DYNC2H1: variants seen among roughly 807,000 people sequenced by gnomAD.
The protein encoded by DYNC2H1 is cytoplasmic dynein 2 heavy chain 1.
In DYNC2H1, 410 loss-of-function variants were observed where a neutral mutation model predicts 570.0. That is an observed-to-expected ratio of 0.72 (90% CI 0.66 to 0.78). The LOEUF (loss-of-function observed/expected upper bound fraction) is 0.78, where lower values mean the gene tolerates loss of function less well. Ranked by LOEUF, DYNC2H1 falls within the 30% of genes least tolerant of loss-of-function variation. DYNC2H1 has a pLI of 0.00. For missense variants in DYNC2H1, 4,865 were observed against 5,046.4 expected (o/e 0.96, Z 1.09); for synonymous variants, 1,688 against 1,677.6 (o/e 1.01, Z -0.15).
Position 103,465,931 on chromosome 11 carries a change from C to A in DYNC2H1, c.12649-2658C>A, listed in dbSNP as rs930054861. Among the ~76,000 whole-genome samples the A allele has an allele frequency of 6.6e-6, 1 of 152,162 alleles. No homozygotes were observed. The highest frequency in any genetic ancestry group is 6.5e-5 in the Admixed American group (1 of 15,274). ...TTCAAGGGGTAGAAAAGAAACTCCA[C>A]GTCCTGAAGGAAGCAGCAGCCAAGC... is the stretch of plus-strand genomic sequence containing the variant. On this transcript the variant is annotated intron_variant, in intron 87 of 88. Coordinates refer to ENST00000375735, the MANE Select transcript of DYNC2H1 (RefSeq NM_001377.3). The surrounding 1 kb of genome is among the most constrained non-coding windows in gnomAD (Gnocchi z 4.9).
At chr11:103,463,828 TAAG>T (rs1034619748) in intron 87 of DYNC2H1, among the ~76,000 whole-genome samples, 75 of 152,236 alleles carry the variant, frequency 4.9e-4, no homozygotes, top group African/African-American at 1.7e-3. Context: ...TCTGTAGGCT[TAAG>T]AAAGCTGAAA....
chr11:103,404,205 C>A (rs1942767433), intron 84 of DYNC2H1: 1 of 151,724 alleles, frequency 6.6e-6, no homozygotes, highest in Admixed American at 6.6e-5. Context: ...TTAACTTTGA[C>A]AAAGTTATGT....
chr11:103,442,110 G>T (rs1270941199), intron 85 of DYNC2H1, among the ~76,000 whole-genome samples: 1 of 152,060 alleles, frequency 6.6e-6, no homozygotes, highest in Non-Finnish European at 1.5e-5. Flanking sequence ...AGAGAAACCT[G>T]TGGATGTTTT....
intron 47 of DYNC2H1, among the ~76,000 whole-genome samples, chr11:103,194,452 TTG>T (rs1210123427): frequency 2.0e-5 from 3 of 152,148 alleles, no homozygotes; most frequent in African/African-American, 7.2e-5. Context: ...AATTGCAGGG[TTG>T]TGTGGTGCTT....
In DYNC2H1 at chr11:103,283,074, G is replaced by T. The variant is rs777062288; in HGVS notation, c.10879G>T (p.Ala3627Ser). 2 of 1,606,186 alleles carry T rather than the reference G, an allele frequency of 1.2e-6. No homozygotes were observed. The highest frequency in any genetic ancestry group is 1.7e-6 in the Non-Finnish European group (2 of 1,175,498). The change falls in exon 73 of 89, where the codon GCA (alanine) becomes TCA (serine). Residue 3627 changes from alanine to serine, a missense_variant. This residue lies in a region of DYNC2H1 where 2,401 missense variants were observed against 2,454.6 expected (regional missense o/e 0.98). Transcript: ENST00000375735. The stretch of plus-strand genomic sequence containing the variant: ...AGATCAGGAACGAAGCTGGGCCGTG[G>T]CAACATTAAAGGTATTCCTTTTCTA... ...WIDQERSWAVATLKIALPSLY... is the reference protein window; with the variant it reads ...WIDQERSWAVSTLKIALPSLY...
chr11:103,454,837 A>G (rs1944730091), intron 85 of DYNC2H1, among the ~76,000 whole-genome samples: 1 of 152,120 alleles, frequency 6.6e-6, no homozygotes, highest in Non-Finnish European at 1.5e-5. Flanking sequence ...TTGCCAAGAG[A>G]ACTTTTTAGT....
Position 103,443,499 on chromosome 11 carries a change from T to A in DYNC2H1, c.12456+7467T>A, listed in dbSNP as rs191696487. ...TTTGGCTTAATACTACCAATAATAC[T>A]AACTGTTGTATACAATAAAAATAAT... On this transcript the variant is annotated intron_variant, in intron 85 of 88. Coordinates refer to ENST00000375735, the MANE Select transcript of DYNC2H1 (RefSeq NM_001377.3). Among the ~76,000 whole-genome samples the A allele has an allele frequency of 4.9e-3, 745 of 152,084 alleles. 3 individuals are homozygous for A. Among genetic ancestry groups the A allele is most frequent in the African/African-American group, 0.017 (712 of 41,582 alleles).
At position 103,205,097 on chromosome 11, in the gene DYNC2H1, T is replaced by C; in HGVS notation, c.8454+133T>C. 1.2e-6 allele frequency: 1 copy of C among 818,134 alleles called. No homozygotes were observed. The highest frequency in any genetic ancestry group is 1.8e-6 in the Non-Finnish European group (1 of 549,822). The allele number at this position is 818,134 out of a possible 1,614,324, so 50.7% of individuals were successfully genotyped here. On this transcript the variant is annotated intron_variant, in intron 52 of 88. Transcript: ENST00000375735. This position sits in a 1 kb window ranked among gnomAD's most constrained non-coding sequence, Gnocchi z 4.5. ...ACCAAACATCTCTTATGTTTGGAAA[T>C]GTCTGTTTTCTTCGTACTCTTGCAT...
intron 18 of DYNC2H1, among the ~76,000 whole-genome samples, chr11:103,147,060 A>C (rs1860276043): frequency 6.6e-6 from 1 of 152,130 alleles, no homozygotes; most frequent in African/African-American, 2.4e-5. Context: ...TAGTGCTTTC[A>C]TGAAAATGCT....
At chr11:103,137,875 C>A (rs9665968) in intron 17 of DYNC2H1, among the ~76,000 whole-genome samples, 114,151 of 146,250 alleles carry the variant, frequency 0.78, 45,671 homozygotes, top group East Asian at 0.86. Context: ...AATGTTCTTC[C>A]ATTTCTTTGT....
intron 11 of DYNC2H1, among the ~76,000 whole-genome samples, chr11:103,124,565 G>A (rs971163868): frequency 6.6e-6 from 1 of 150,842 alleles, no homozygotes; most frequent in African/African-American, 2.4e-5. Context: ...ATTCTGATTT[G>A]AGTTCCCCAA....
chr11:103,412,893 C>T (rs1347883208), intron 84 of DYNC2H1, among the ~76,000 whole-genome samples: 1 of 152,130 alleles, frequency 6.6e-6, no homozygotes, highest in Non-Finnish European at 1.5e-5. Context: ...CACTTTCACT[C>T]CTTTCCTCTA....
Position 103,186,299 on chromosome 11 carries a change from T to A in DYNC2H1, c.6691T>A (p.Tyr2231Asn), listed in dbSNP as rs1410904165. ...PDFHKPMDTY[Y>N]DSTRGRLATY... ...CTTTCACAAACCTATGGATACCTAC[T>A]ATGACTCTACTAGGGGTCGATTAGC... is the stretch of plus-strand genomic sequence containing the variant. The change falls in exon 42 of 89, where the codon TAT becomes AAT. Residue 2231 changes from tyrosine to asparagine, a missense_variant. Physicochemically the swap from Tyr to Asn is moderately radical, Grantham distance 143 (BLOSUM62 -2). Coordinates refer to ENST00000375735, the MANE Select transcript of DYNC2H1 (RefSeq NM_001377.3). This position sits in a 1 kb window ranked among gnomAD's most constrained non-coding sequence, Gnocchi z 4.5. 6.8e-6 allele frequency: 11 copies of A among 1,612,410 alleles called. No individual in the cohort carries two copies. The highest frequency in any genetic ancestry group is 9.3e-6 in the Non-Finnish European group (11 of 1,179,072).
chr11:103,413,018 T>G (rs1318998460), intron 84 of DYNC2H1, among the ~76,000 whole-genome samples: 1 of 152,068 alleles, frequency 6.6e-6, no homozygotes, highest in Non-Finnish European at 1.5e-5. Context: ...CCACCTACCC[T>G]CCAGACTACT....
chr11:103,153,640 A>G, intron 22 of DYNC2H1, 132 bp downstream of exon 22: 1 of 823,672 alleles, frequency 1.2e-6, no homozygotes. Flanking sequence ...ACTACAAATA[A>G]TAAGCATTCA....
At position 103,310,673 on chromosome 11, in the gene DYNC2H1, C is replaced by CTTTTTTTTTTTTTT. The variant is rs748144270; in HGVS notation, c.11494-1193_11494-1180dup. Among the ~76,000 whole-genome samples the CTTTTTTTTTTTTTT allele has an allele frequency of 7.7e-5, 3 of 39,124 alleles. 1 individual carries two copies. The highest frequency in any genetic ancestry group is 1.7e-4 in the Non-Finnish European group (3 of 17,890). 25.7% of individuals were successfully genotyped at this position (39,124 alleles called of 152,430 possible). A position where few individuals can be genotyped will look rare whatever the true frequency, so the allele number is the denominator to read the frequency against. On this transcript the variant is annotated intron_variant, in intron 78 of 88. Coordinates refer to ENST00000375735, the MANE Select transcript of DYNC2H1 (RefSeq NM_001377.3). ...ACTTAATACTTCAGTAGTGTATTTT[C>CTTTTTTTTTTTTTT]TTTTTTTTTTTTTTTTTTTTTTTTT... is the stretch of plus-strand genomic sequence containing the variant.
Position 103,205,499 on chromosome 11 carries a change from A to G in DYNC2H1, c.8454+535A>G, listed in dbSNP as rs537226566. ...AGAGAAGTATAGTTTAATGCCTGCC[A>G]TGATTCAGAGTAAGGAGTGTAATTG... On this transcript the variant is annotated intron_variant, in intron 52 of 88. Transcript: ENST00000375735. The surrounding 1 kb of genome is among the most constrained non-coding windows in gnomAD (Gnocchi z 4.5). Among the ~76,000 whole-genome samples, 2 of 152,292 alleles carry G rather than the reference A, an allele frequency of 1.3e-5. No individual in the cohort carries two copies. Among genetic ancestry groups the G allele is most frequent in the African/African-American group, 2.4e-5 (1 of 41,580 alleles).
chr11:103,142,765 G>T (rs1221415597), intron 17 of DYNC2H1, among the ~76,000 whole-genome samples: 2 of 152,146 alleles, frequency 1.3e-5, no homozygotes, highest in East Asian at 3.8e-4. Flanking sequence ...ACTGAAATCA[G>T]GGCTATTTAA....
At position 103,436,040 on chromosome 11, in the gene DYNC2H1, TA is replaced by T. The variant is rs917527634; in HGVS notation, c.12456+11del. On this transcript the variant is annotated intron_variant, in intron 85 of 88. Transcript: ENST00000375735. ...CGTGCCCTTGCAATACAGGTATGCC[TA>T]AATTATTTACTAAGTGGGTTGTCTG... 2 of 1,610,892 alleles carry T rather than the reference TA, an allele frequency of 1.2e-6. No individual in the cohort carries two copies. The highest frequency in any genetic ancestry group is 1.3e-5 in the African/African-American group (1 of 74,918).
Sources: allele counts gnomAD v4.1 joint callset (sites outside exome capture counted in the v4.1 genomes callset), GRCh38; gene constraint gnomAD v4.1.1; regional missense constraint gnomAD v4.1.1; non-coding constraint Gnocchi (gnomAD v3.1); transcripts MANE v1.5; gene names NCBI Gene and HGNC (gene_info 2026-07-23, HGNC 2026-07-21).